Variants in INTS10 observed in about 807,000 individuals in gnomAD.
INTS10 encodes integrator complex subunit 10.
Under a neutral mutation model 94.4 loss-of-function variants are expected in INTS10, and 44 were observed. The ratio of observed to expected loss-of-function variants is 0.47; its 90% confidence interval spans 0.37 to 0.60. INTS10 has a LOEUF of 0.60. Ranked by LOEUF, INTS10 falls within the 20% of genes least tolerant of loss-of-function variation. INTS10 has a pLI of 0.00. For missense variants in INTS10, 797 were observed against 868.7 expected (o/e 0.92, Z 1.04); for synonymous variants, 341 against 320.7 (o/e 1.06, Z -0.68).
rs922297672 is a variant in INTS10 at position 19,843,063 on chromosome 8, A to G, written c.1719+136A>G. On this transcript the variant is annotated intron_variant, in intron 14 of 16. Transcript: ENST00000397977. This position sits in a 1 kb window ranked among gnomAD's most constrained non-coding sequence, Gnocchi z 4.7. ...CAGGCCCAAACAGTTAGAAAAGCAC[A>G]TGGGCTACTAATTAACAAATCTATA... 1.6e-6 allele frequency: 1 copy of G among 632,488 alleles called. No individual in the cohort carries two copies. Among genetic ancestry groups the G allele is most frequent in the Non-Finnish European group, 2.8e-6 (1 of 357,830 alleles). 39.2% of individuals were successfully genotyped at this position (632,488 alleles called of 1,614,324 possible).
rs2067374873 is a variant in INTS10, at chr8:19,833,175, T to C, written c.1384T>C (p.Tyr462His). The change falls in exon 12 of 17, where the codon TAT becomes CAT. Residue 462 changes from tyrosine (Y) to histidine (H), a missense_variant. By Grantham distance (83) the Tyr-to-His change is moderately conservative (BLOSUM62 2). Transcript: ENST00000397977. ...GCTATTCTATCTTTCTTAGGGTCAA[T>C]ATAAAAAGGCGATAGCCAGCCTGCA... The part of the protein sequence containing the change: ...LTDMIIYQGQ[Y>H]KKAIASLHHL... The C allele has an allele frequency of 6.3e-7, 1 of 1,587,410 alleles. No homozygotes were observed. The highest frequency in any genetic ancestry group is 1.9e-5 in the Admixed American group (1 of 53,528).
At position 19,824,937 on chromosome 8, in the gene INTS10, A is replaced by C; in HGVS notation, c.971A>C (p.Gln324Pro). 6.2e-7 allele frequency: 1 copy of C among 1,614,016 alleles called. No individual in the cohort carries two copies. Among genetic ancestry groups the C allele is most frequent in the African/African-American group, 1.3e-5 (1 of 75,068 alleles). ...CTGGTCTTCTTTAAGAATGCATTCCAGTATGTCAACAGCATACAGCCATCT... is the reference window on the plus strand; with the variant it reads ...CTGGTCTTCTTTAAGAATGCATTCCCGTATGTCAACAGCATACAGCCATCT... ...TMLVFFKNAF[Q>P]YVNSIQPSLF... Residue 324 changes from glutamine (Q) to proline (P), a missense_variant, in exon 8 of 17, where the codon CAG becomes CCG. By Grantham distance (76) the Gln-to-Pro change is moderately conservative. Transcript: ENST00000397977.
At chr8:19,826,668 A>T in intron 9 of INTS10, 109 bp downstream of exon 9, 1 of 995,960 alleles carries the variant, frequency 1.0e-6, no homozygotes, top group Non-Finnish European at 1.5e-6. Flanking sequence ...TGGGTTTTAA[A>T]ATTGTATGAT....
At chr8:19,820,184 T>C (rs1279419786) in intron 3 of INTS10, among the ~76,000 whole-genome samples, 195 bp from the exon 4 acceptor site, 1 of 152,080 alleles carries the variant, frequency 6.6e-6, no homozygotes, top group Non-Finnish European at 1.5e-5. Context: ...GCAAATATTT[T>C]ACCATTATTC....
intron 12 of INTS10, among the ~76,000 whole-genome samples, chr8:19,835,176 A>T (rs910888935): frequency 9.2e-5 from 14 of 152,108 alleles, no homozygotes; most frequent in East Asian, 3.9e-4. Flanking sequence ...TCTCTTTGCT[A>T]TATTACCTTG....
Position 19,840,687 on chromosome 8 carries a change from A to C in INTS10, c.1640-2161A>C, listed in dbSNP as rs558721140. Among the ~76,000 whole-genome samples, 4 of 152,334 alleles carry C rather than the reference A, an allele frequency of 2.6e-5. No individual in the cohort carries two copies. The East Asian group carries it at 7.7e-4, about 29-fold the overall frequency. The stretch of plus-strand genomic sequence containing the variant: ...TCAATAAGGAAAGGAAAGACTTTTC[A>C]ACCAATGGTGCTGGAGCAGATTACG... On this transcript the variant is annotated intron_variant, in intron 13 of 16. Transcript: ENST00000397977.
intron 6 of INTS10, 128 bp from the exon 7 acceptor site, chr8:19,823,745 C>T: frequency 1.2e-6 from 1 of 858,298 alleles, no homozygotes; most frequent in Non-Finnish European, 1.8e-6. Context: ...GGTCCTTGAG[C>T]AAAACATAAG....
chr8:19,836,758 T>C (rs913878505), intron 12 of INTS10, among the ~76,000 whole-genome samples: 1 of 152,264 alleles, frequency 6.6e-6, no homozygotes, highest in Admixed American at 6.5e-5. Context: ...TTTTGGCTGC[T>C]GCTGTGCTGT....
intron 15 of INTS10, 28 bp from the exon 16 acceptor site, chr8:19,845,676 A>G (rs771476306): frequency 2.0e-6 from 3 of 1,537,058 alleles, no homozygotes; most frequent in East Asian, 4.5e-5. Flanking sequence ...CTTTTTTTAC[A>G]TGTGGTTAAC....
intron 6 of INTS10, 139 bp downstream of exon 6, chr8:19,823,580 AAAAT>A (rs1328842612): frequency 1.5e-6 from 1 of 678,360 alleles, no homozygotes; most frequent in Non-Finnish European, 2.5e-6. Flanking sequence ...ATCTAGAAAA[AAAAT>A]ACTAAAAGAT....
In INTS10 at chr8:19,828,043, T is replaced by C. The variant is rs549979488; in HGVS notation, c.1140+1484T>C. Reference sequence around the variant, plus strand: ...GGGCAATATAGTGAGACCCCGTCTCTATAAAAAATGAAAAAAAAAACTAGC... The same window carrying C: ...GGGCAATATAGTGAGACCCCGTCTCCATAAAAAATGAAAAAAAAAACTAGC... On this transcript the variant is annotated intron_variant, in intron 9 of 16. Transcript: ENST00000397977. Among the ~76,000 whole-genome samples the C allele has an allele frequency of 4.0e-5, 6 of 151,650 alleles. No homozygotes were observed. The East Asian group carries it at 1.2e-3, about 30-fold the overall frequency.
In INTS10 at chr8:19,851,578, C is replaced by A; in HGVS notation, c.1977-71C>A. The A allele has an allele frequency of 1.4e-6, 2 of 1,427,820 alleles. No homozygotes were observed. Among genetic ancestry groups the A allele is most frequent in the Non-Finnish European group, 9.8e-7 (1 of 1,017,166 alleles). 88.4% of individuals were successfully genotyped at this position (1,427,820 alleles called of 1,614,324 possible). A position where few individuals can be genotyped will look rare whatever the true frequency, so the allele number is the denominator to read the frequency against. Reference sequence around the variant, plus strand: ...GATATGGGGCAGGCTTTATTCCTACCCAAGTAGCAGCGATCAGCGATGCTG... The same window carrying A: ...GATATGGGGCAGGCTTTATTCCTACACAAGTAGCAGCGATCAGCGATGCTG... On this transcript the variant is annotated intron_variant, in intron 16 of 16. Coordinates refer to ENST00000397977, the MANE Select transcript of INTS10 (RefSeq NM_018142.4). The surrounding 1 kb of genome is among the most constrained non-coding windows in gnomAD (Gnocchi z 5.0).
intron 9 of INTS10, 129 bp downstream of exon 9, chr8:19,826,688 A>G: frequency 1.2e-6 from 1 of 840,240 alleles, no homozygotes; most frequent in East Asian, 2.9e-5. Flanking sequence ...TATATTAATA[A>G]TTACTAAGTC....
In INTS10 at chr8:19,818,341, A is replaced by T; in HGVS notation, c.196A>T (p.Met66Leu). 1 of 1,614,104 alleles carries T rather than the reference A, an allele frequency of 6.2e-7. No individual in the cohort carries two copies. Among genetic ancestry groups the T allele is most frequent in the Middle Eastern group, 1.6e-4 (1 of 6,062 alleles). ...TATAGRLLYD[M>L]FVNFPDQPVV... ...CACCGCCGGGAGGCTGCTGTACGAC[A>T]TGTGAGTGGGACGCTTGACATCACT... is the stretch of plus-strand genomic sequence containing the variant. Residue 66 changes from methionine (M) to leucine (L), a missense_variant and splice_region_variant, in exon 2 of 17, where the codon ATG becomes TTG. This residue lies in a region of INTS10 where 734 missense variants were observed against 787.8 expected (regional missense o/e 0.93). Transcript: ENST00000397977.
Position 19,819,508 on chromosome 8 carries a change from G to A in INTS10, c.198-65G>A, listed in dbSNP as rs182201845. The stretch of plus-strand genomic sequence containing the variant: ...GGAAACTTTTTCACCAAATGCTAAC[G>A]TTTTTTCTTTTGGATACTGTATAGA... On this transcript the variant is annotated intron_variant, in intron 2 of 16. Coordinates refer to ENST00000397977, the MANE Select transcript of INTS10 (RefSeq NM_018142.4). 5 of 1,267,810 alleles carry A rather than the reference G, an allele frequency of 3.9e-6. No individual in the cohort carries two copies. The African/African-American group carries it at 6.1e-5, about 15-fold the overall frequency. The allele number at this position is 1,267,810 out of a possible 1,614,324, so 78.5% of individuals were successfully genotyped here.
intron 5 of INTS10, among the ~76,000 whole-genome samples, chr8:19,823,099 A>ATAAAAGTGTCTGTGTTTCGC (rs2066514138): frequency 2.6e-5 from 4 of 152,232 alleles, no homozygotes; most frequent in Admixed American, 6.5e-5. Flanking sequence ...CACCCACAGC[A>ATAAAAGTGTCTGTGTTTCGC]TAAAAGTGTC....
intron 9 of INTS10, among the ~76,000 whole-genome samples, chr8:19,827,992 C>T (rs946647700): frequency 2.6e-5 from 4 of 152,108 alleles, no homozygotes; most frequent in East Asian, 3.9e-4. Flanking sequence ...AGGAGGATCA[C>T]CAGCCCAGGA....
chr8:19,835,000 G>C (rs2067538510), intron 12 of INTS10, among the ~76,000 whole-genome samples: 1 of 151,958 alleles, frequency 6.6e-6, no homozygotes, highest in African/African-American at 2.4e-5. Context: ...CCTCCCAAAG[G>C]CTGTCCCTCC....
At chr8:19,845,459 A>G in intron 15 of INTS10, 2 of 498,646 alleles carry the variant, frequency 4.0e-6, no homozygotes, top group Non-Finnish European at 7.3e-6. Flanking sequence ...GAGGGAGTTT[A>G]GTGGGTATAA....
Sources: gnomAD v4.1 joint callset for allele counts (sites outside exome capture counted in the v4.1 genomes callset) on GRCh38, gnomAD v4.1.1 for gene constraint, gnomAD v4.1.1 regional missense constraint, Gnocchi (gnomAD v3.1) non-coding constraint, MANE v1.5 for transcripts, NCBI Gene and HGNC (gene_info 2026-07-23, HGNC 2026-07-21) for gene names.